Variants in SAMD3 observed in about 807,000 individuals in gnomAD.
The protein encoded by SAMD3 is sterile alpha motif domain-containing protein 3.
Under a neutral mutation model 58.5 loss-of-function variants are expected in SAMD3, and 63 were observed. The ratio of observed to expected loss-of-function variants is 1.08; its 90% CI spans 0.88 to 1.33. The LOEUF (loss-of-function observed/expected upper bound fraction) is 1.33, where lower values mean the gene tolerates loss of function less well. Ranked by LOEUF, SAMD3 falls within the 40% of genes most tolerant of loss-of-function variation. The pLI is 0.00. For synonymous variants in SAMD3, 220 were observed against 210.3 expected (o/e 1.05, Z -0.40); for missense variants, 604 against 608.4 (o/e 0.99, Z 0.08).
intron 2 of SAMD3, among the ~76,000 whole-genome samples, chr6:130,250,812 A>G (rs1346770777): frequency 6.6e-6 from 1 of 152,136 alleles, no homozygotes; most frequent in Admixed American, 6.6e-5. Flanking sequence ...TCGTATTAAC[A>G]TACCACATTT....
chr6:130,190,304 T>C (rs1793410454), intron 5 of SAMD3, among the ~76,000 whole-genome samples: 2 of 111,588 alleles, frequency 1.8e-5, no homozygotes, highest in Non-Finnish European at 3.6e-5. Flanking sequence ...AATCCAAAAT[T>C]ATGTAACGTA....
chr6:130,286,759 T>C (rs140918149), intron 2 of SAMD3, among the ~76,000 whole-genome samples: 1 of 152,360 alleles, frequency 6.6e-6, no homozygotes, highest in East Asian at 1.9e-4. Flanking sequence ...TCGCCCAGGC[T>C]GGAGTGCAGC....
intron 1 of SAMD3, among the ~76,000 whole-genome samples, chr6:130,332,675 G>A (rs1348802414): frequency 1.3e-5 from 2 of 152,198 alleles, no homozygotes; most frequent in Admixed American, 6.5e-5. Context: ...CAGCTAAGTA[G>A]GCTAAGGAGA....
At chr6:130,240,369 G>A (rs191960762) in intron 2 of SAMD3, among the ~76,000 whole-genome samples, 1 of 152,314 alleles carries the variant, frequency 6.6e-6, no homozygotes. Flanking sequence ...GAGGGAACAC[G>A]TGGAATAAGC....
At chr6:130,357,148 G>A (rs1237306163) in intron 1 of SAMD3, among the ~76,000 whole-genome samples, 1 of 122,742 alleles carries the variant, frequency 8.1e-6, no homozygotes, top group African/African-American at 3.3e-5. Flanking sequence ...TTTTTGAGAC[G>A]GAGTCTCACT....
chr6:130,312,484 T>C (rs1465408876), intron 2 of SAMD3, among the ~76,000 whole-genome samples: 1 of 152,214 alleles, frequency 6.6e-6, no homozygotes, highest in Non-Finnish European at 1.5e-5. Context: ...TTTCTCATTT[T>C]AACCATCTAT....
chr6:130,347,388 T>A (rs1777489435), intron 1 of SAMD3, among the ~76,000 whole-genome samples: 1 of 152,098 alleles, frequency 6.6e-6, no homozygotes, highest in Non-Finnish European at 1.5e-5. Flanking sequence ...TTAAAGGACC[T>A]GATGGAGCTG....
chr6:130,271,391 G>T (rs1228872366), intron 2 of SAMD3, among the ~76,000 whole-genome samples: 1 of 152,096 alleles, frequency 6.6e-6, no homozygotes, highest in African/African-American at 2.4e-5. Flanking sequence ...ATTTGATTGG[G>T]TTAAAATGTT....
At chr6:130,184,942 C>A (rs1239494973) in intron 5 of SAMD3, among the ~76,000 whole-genome samples, 5 of 152,136 alleles carry the variant, frequency 3.3e-5, no homozygotes, top group Non-Finnish European at 1.5e-5. Context: ...TAGCTCAAAA[C>A]TAGACAATAT....
At chr6:130,227,586 A>T (rs1796416379), upstream of SAMD3, among the ~76,000 whole-genome samples, 1 of 152,114 alleles carries the variant, frequency 6.6e-6, no homozygotes, top group African/African-American at 2.4e-5. Context: ...CCAGGAGTTC[A>T]AGGCCAGTCT....
chr6:130,308,349 AATTCTATTCTATTCT>A (rs68138988), intron 2 of SAMD3, among the ~76,000 whole-genome samples: 10,829 of 69,338 alleles, frequency 0.16, 1,042 homozygotes, highest in Middle Eastern at 0.2. Flanking sequence ...AAGTTCATAG[AATTCTATTCTATTCT>A]ATTCTATTCT....
chr6:130,365,380 G>T (rs573032123), exon 1 of SAMD3: 37 of 985,418 alleles, frequency 3.8e-5, no homozygotes, highest in Non-Finnish European at 3.9e-5. Flanking sequence ...ACCCCTTGCC[G>T]GGCCGGCGGG....
chr6:130,223,959 TAC>T (rs1796310386), upstream of SAMD3, among the ~76,000 whole-genome samples: 1 of 152,208 alleles, frequency 6.6e-6, no homozygotes, highest in South Asian at 2.1e-4. Context: ...TGCCTTAATG[TAC>T]CAGAAAAATT....
At chr6:130,300,468 A>G (rs1337755516) in intron 2 of SAMD3, among the ~76,000 whole-genome samples, 2 of 152,188 alleles carry the variant, frequency 1.3e-5, no homozygotes, top group Non-Finnish European at 2.9e-5. Context: ...CTGAAGGAAC[A>G]TATCTCAAAA....
intron 2 of SAMD3, among the ~76,000 whole-genome samples, chr6:130,262,308 AG>A (rs201820666): frequency 0.019 from 2,828 of 150,224 alleles, 80 homozygotes; most frequent in African/African-American, 0.064. Flanking sequence ...AAAAAAAGTA[AG>A]AAAAAAAAAA....
intron 1 of SAMD3, 90 bp downstream of exon 1, chr6:130,222,604 C>A (rs1796266701): frequency 6.6e-6 from 1 of 152,112 alleles, no homozygotes; most frequent in African/African-American, 2.4e-5. Context: ...TTGTAATCTG[C>A]CACTCTTAAA....
chr6:130,209,568 C>T lies in SAMD3; in HGVS notation c.310G>A (p.Glu104Lys), dbSNP rs371148224. 6.8e-6 allele frequency: 11 copies of T among 1,613,692 alleles called. No individual in the cohort carries two copies. In the African/African-American group the frequency reaches 1.5e-4, roughly 22 times the overall value. The change falls in exon 5 of 12, where the codon GAG becomes AAG. Residue 104 changes from glutamate to lysine, a missense_variant. Glu to Lys is a moderately conservative substitution (Grantham distance 56, BLOSUM62 1). Transcript: ENST00000439090. The stretch of plus-strand genomic sequence containing the variant: ...GCTGGATAGAAAGATGGCATCTGCT[C>T]CCCATGCCTGGCTGGACTGGAGGAC... The part of the protein sequence containing the change: ...EESSSPARHG[E>K]QMPSFYPAEN...
intron 2 of SAMD3, among the ~76,000 whole-genome samples, chr6:130,249,502 G>A (rs535895064): frequency 2.6e-5 from 4 of 152,106 alleles, no homozygotes; most frequent in South Asian, 2.1e-4. Flanking sequence ...CTGTACTTAC[G>A]GCAGCTTGTA....
intron 9 of SAMD3, among the ~76,000 whole-genome samples, chr6:130,148,356 C>T (rs954574772): frequency 3.9e-5 from 6 of 152,242 alleles, no homozygotes. Flanking sequence ...ATTGCCCAGA[C>T]TTGGCCAGTA....
Sources: allele counts gnomAD v4.1 joint callset (sites outside exome capture counted in the v4.1 genomes callset), GRCh38; gene constraint gnomAD v4.1.1; transcripts MANE v1.5; gene names NCBI Gene and HGNC (gene_info 2026-07-23, HGNC 2026-07-21).